The following CTNNA3 variants were observed in gnomAD, a reference collection of about 807,000 sequenced individuals.
CTNNA3 encodes the protein catenin alpha 3.
Under a neutral mutation model 95.7 loss-of-function variants are expected in CTNNA3, and 76 were observed. The observed-to-expected ratio is 0.79, with a 90% CI of 0.66 to 0.96. The LOEUF (loss-of-function observed/expected upper bound fraction) is 0.96, where lower values mean the gene tolerates loss of function less well. Ranked by LOEUF, CTNNA3 falls within the 40% of genes least tolerant of loss-of-function variation. CTNNA3 has a pLI of 0.00. For missense variants in CTNNA3, 1,191 were observed against 1,089.8 expected (o/e 1.09, Z -1.31); for synonymous variants, 431 against 374.4 (o/e 1.15, Z -1.74).
At chr10:67,468,674 G>T (rs1847697247) in intron 5 of CTNNA3, among the ~76,000 whole-genome samples, 1 of 152,120 alleles carries the variant, frequency 6.6e-6, no homozygotes, top group Non-Finnish European at 1.5e-5. Context: ...GAAGCAGGTA[G>T]GGATTTTTCT....
chr10:67,073,472 C>T (rs1261146141), intron 7 of CTNNA3, among the ~76,000 whole-genome samples: 1 of 152,012 alleles, frequency 6.6e-6, no homozygotes. Flanking sequence ...CCTTTGCCAT[C>T]CTGATCATCA....
chr10:66,140,624 T>A (rs2133876747), intron 13 of CTNNA3, among the ~76,000 whole-genome samples: 1 of 152,348 alleles, frequency 6.6e-6, no homozygotes, highest in Admixed American at 6.5e-5. Flanking sequence ...TTGGTCACTG[T>A]TGAACAACAT....
intron 5 of CTNNA3, among the ~76,000 whole-genome samples, chr10:67,256,276 T>C (rs1297915970): frequency 6.6e-6 from 1 of 152,196 alleles, no homozygotes; most frequent in Non-Finnish European, 1.5e-5. Flanking sequence ...ACTAGGAAGC[T>C]TGCTCTTGAT....
intron 7 of CTNNA3, among the ~76,000 whole-genome samples, chr10:66,915,745 T>C (rs28599536): frequency 8.2e-6 from 1 of 121,588 alleles, no homozygotes. Flanking sequence ...CATATATACA[T>C]ATATACATTT....
At chr10:66,749,438 A>G (rs1002838793) in intron 9 of CTNNA3, among the ~76,000 whole-genome samples, 2 of 151,944 alleles carry the variant, frequency 1.3e-5, no homozygotes, top group Non-Finnish European at 2.9e-5. Context: ...GTCTTTTCCA[A>G]ATGTCATATT....
intron 7 of CTNNA3, among the ~76,000 whole-genome samples, chr10:67,080,821 A>C (rs1564877913): frequency 6.6e-6 from 1 of 151,796 alleles, no homozygotes; most frequent in Admixed American, 6.6e-5. Context: ...AGGCAGGAGA[A>C]TGGCGTGAAC....
rs919114161 is a variant in CTNNA3, at chr10:65,914,291, C to T, written c.*6039G>A. The T allele has an allele frequency of 2.0e-5, 3 of 151,938 alleles. No homozygotes were observed. The highest frequency in any genetic ancestry group is 6.6e-5 in the Admixed American group (1 of 15,240). 9.4% of individuals were successfully genotyped at this position (151,938 alleles called of 1,614,324 possible). A position where few individuals can be genotyped will look rare whatever the true frequency, so the allele number is the denominator to read the frequency against. ...TACCAGATACATAAAAGTGAAGATCCCCAATATACACATCCATTGCTCAAA... is the reference window on the plus strand; with the variant it reads ...TACCAGATACATAAAAGTGAAGATCTCCAATATACACATCCATTGCTCAAA... On this transcript the variant is annotated 3_prime_UTR_variant, in exon 18 of 18. Transcript: ENST00000433211.
chr10:66,149,130 T>C (rs1246464218), intron 13 of CTNNA3, among the ~76,000 whole-genome samples: 4 of 149,308 alleles, frequency 2.7e-5, no homozygotes, highest in Non-Finnish European at 5.9e-5. Flanking sequence ...TATGAATAAA[T>C]GCATATATAT....
chr10:67,009,387 G>T (rs192875595), intron 7 of CTNNA3, among the ~76,000 whole-genome samples: 7 of 151,568 alleles, frequency 4.6e-5, no homozygotes, highest in African/African-American at 1.5e-4. Flanking sequence ...TATTCCACTT[G>T]TTGTTATTGC....
upstream of CTNNA3, among the ~76,000 whole-genome samples, chr10:67,699,406 G>T (rs1431307391): frequency 6.6e-6 from 1 of 152,072 alleles, no homozygotes; most frequent in African/African-American, 2.4e-5. Flanking sequence ...CCTCCAGGTG[G>T]CCAAACCATT....
chr10:66,270,235 GCA>G (rs1564829283), intron 13 of CTNNA3, among the ~76,000 whole-genome samples: 1 of 140,266 alleles, frequency 7.1e-6, no homozygotes, highest in Non-Finnish European at 1.5e-5. Context: ...GGGGGGGGGG[GCA>G]GGGTCTCACT....
chr10:66,835,630 A>G (rs10997402), intron 7 of CTNNA3, among the ~76,000 whole-genome samples: 40,326 of 152,144 alleles, frequency 0.27, 6,460 homozygotes, highest in Non-Finnish European at 0.38. Context: ...ACCACCACCC[A>G]CTGTGGGTGC....
chr10:67,412,818 C>T (rs180886980), intron 5 of CTNNA3, among the ~76,000 whole-genome samples: 16 of 152,202 alleles, frequency 1.1e-4, no homozygotes, highest in African/African-American at 2.4e-4. Context: ...TGAGGGAATA[C>T]GTTTAAACTA....
intron 5 of CTNNA3, among the ~76,000 whole-genome samples, chr10:67,414,452 A>G (rs945065325): frequency 2.6e-5 from 4 of 152,250 alleles, no homozygotes; most frequent in South Asian, 4.1e-4. Context: ...GAACCTACCA[A>G]GCAAAAAAAG....
intron 15 of CTNNA3, among the ~76,000 whole-genome samples, chr10:66,033,382 G>T (rs986202501): frequency 6.6e-6 from 1 of 151,916 alleles, no homozygotes; most frequent in Non-Finnish European, 1.5e-5. Flanking sequence ...TGGTCTGCCC[G>T]CCTCAGCCTC....
intron 11 of CTNNA3, among the ~76,000 whole-genome samples, chr10:66,499,206 AC>A (rs1326660275): frequency 6.6e-6 from 1 of 152,170 alleles, no homozygotes; most frequent in African/African-American, 2.4e-5. Context: ...CTCATTTGCC[AC>A]CAAAACCATA....
At chr10:67,218,162 G>T (rs1864472317) in intron 6 of CTNNA3, among the ~76,000 whole-genome samples, 1 of 152,122 alleles carries the variant, frequency 6.6e-6, no homozygotes, top group Non-Finnish European at 1.5e-5. Flanking sequence ...GATAAGGGAT[G>T]CTCAACCCGT....
At chr10:67,165,542 A>G (rs1283819352) in intron 7 of CTNNA3, among the ~76,000 whole-genome samples, 1 of 152,218 alleles carries the variant, frequency 6.6e-6, no homozygotes, top group Non-Finnish European at 1.5e-5. Context: ...ATATCTTGCT[A>G]TATAGTTACA....
At chr10:67,014,252 T>C (rs181903581) in intron 7 of CTNNA3, among the ~76,000 whole-genome samples, 105 of 152,304 alleles carry the variant, frequency 6.9e-4, no homozygotes, top group African/African-American at 2.4e-3. Flanking sequence ...TAGACTTACA[T>C]AGATCCCTTA....
Sources: gnomAD v4.1 joint callset for allele counts (sites outside exome capture counted in the v4.1 genomes callset) on GRCh38, gnomAD v4.1.1 for gene constraint, MANE v1.5 for transcripts, NCBI Gene and HGNC (gene_info 2026-07-23, HGNC 2026-07-21) for gene names.